The following EGFL6 variants were observed in gnomAD, a reference collection of about 807,000 sequenced individuals.
EGFL6 encodes the protein EGF like domain multiple 6, also known as epidermal growth factor-like protein 6.
In EGFL6, 42 loss-of-function variants were observed where a neutral mutation model predicts 43.1. The observed-to-expected ratio is 0.98, with a 90% CI of 0.76 to 1.26. EGFL6 has a LOEUF of 1.26. Among genes scored for constraint, EGFL6 ranks in the 50% most tolerant of loss-of-function variants. The pLI is 0.00. For synonymous variants in EGFL6, 164 were observed against 163.2 expected, an observed-to-expected ratio of 1.01 and a Z score of -0.04; for missense variants, 429 against 427.8, an observed-to-expected ratio of 1.00 and a Z score of -0.02.
intron 5 of EGFL6, among the ~76,000 whole-genome samples, chrX:13,605,416 A>T (rs2045654584): frequency 9.2e-6 from 1 of 108,632 alleles, no homozygotes; most frequent in Non-Finnish European, 1.9e-5. Context: ...CTACAAAAAA[A>T]AAATAATAAA....
In EGFL6 at chrX:13,613,157, C is replaced by CATATATAT. The variant is rs35293457; in HGVS notation, c.779-4558_779-4551dup. ...GAGACTTCATCTCCATAAATATATA[C>CATATATAT]ATATATATATATATATATATATGTC... On this transcript the variant is annotated intron_variant, in intron 7 of 11. Coordinates refer to ENST00000361306, the MANE Select transcript of EGFL6 (RefSeq NM_015507.4). 7.5e-3 allele frequency among the ~76,000 whole-genome samples: 667 copies of CATATATAT among 89,384 alleles called. 14 individuals are homozygous for CATATATAT. Among genetic ancestry groups the CATATATAT allele is most frequent in the African/African-American group, 0.028 (614 of 21,839 alleles). The allele number at this position is 89,384 out of a possible 115,157, so 77.6% of individuals were successfully genotyped here.
rs766969470 is a variant in EGFL6, at chrX:13,579,712, C to A, written c.74+9777C>A. Among the ~76,000 whole-genome samples the A allele has an allele frequency of 2.7e-5, 3 of 111,095 alleles. No homozygotes were observed. In the South Asian group the frequency reaches 1.2e-3, roughly 43 times the overall value. On this transcript the variant is annotated intron_variant, in intron 1 of 11. Coordinates refer to ENST00000361306, the MANE Select transcript of EGFL6 (RefSeq NM_015507.4). ...TCAAATAGTAGATTCTTTGAGGAAT[C>A]GCCATACTGCTTGGGCTTGGAGTTT...
At chrX:13,578,008 CT>C (rs1018206493) in intron 1 of EGFL6, among the ~76,000 whole-genome samples, 11 of 112,445 alleles carry the variant, frequency 9.8e-5, no homozygotes, top group African/African-American at 3.2e-4. Context: ...CAGCATTTTT[CT>C]TTTCTAATGT....
intron 9 of EGFL6, among the ~76,000 whole-genome samples, chrX:13,619,689 T>C (rs766161516): frequency 3.1e-4 from 35 of 111,953 alleles, no homozygotes; most frequent in Admixed American, 1.5e-3. Context: ...TAAATATTTA[T>C]TTTTGCTTAT....
chrX:13,606,351 C>T (rs1435073049), intron 5 of EGFL6, 28 bp from the exon 6 acceptor site: 18 of 1,204,485 alleles, frequency 1.5e-5, no homozygotes, highest in Non-Finnish European at 1.7e-5. Flanking sequence ...CTTGCTATCA[C>T]TGACACCTTC....
chrX:13,626,628 T>C (rs1217661478), intron 10 of EGFL6, among the ~76,000 whole-genome samples: 1 of 112,053 alleles, frequency 8.9e-6, no homozygotes, highest in Non-Finnish European at 1.9e-5. Flanking sequence ...ATTGACTCAG[T>C]GGGGAAGTGC....
chrX:13,581,028 A>G (rs773528994), intron 1 of EGFL6, among the ~76,000 whole-genome samples: 59 of 111,839 alleles, frequency 5.3e-4, no homozygotes, highest in African/African-American at 1.8e-3. Context: ...TCACCTCCTA[A>G]GTAAACCACT....
chrX:13,624,400 T>C (rs1371422287), intron 10 of EGFL6, among the ~76,000 whole-genome samples: 1 of 111,781 alleles, frequency 8.9e-6, no homozygotes, highest in Admixed American at 9.5e-5. Flanking sequence ...AAAACCATAA[T>C]GAACATCAAG....
chrX:13,596,349 T>C (rs764930202), intron 3 of EGFL6: 1 of 111,492 alleles, frequency 9.0e-6, no homozygotes, highest in Admixed American at 9.6e-5. Flanking sequence ...GCTCCATGTG[T>C]GTCCCTCCTG....
intron 3 of EGFL6, 59 bp downstream of exon 3, chrX:13,594,987 C>A: frequency 1.1e-6 from 1 of 909,610 alleles, no homozygotes; most frequent in Non-Finnish European, 1.6e-6. Flanking sequence ...GGGCTGGCGA[C>A]TCAATATGGT....
chrX:13,627,777 T>A (rs1221772634), intron 11 of EGFL6, among the ~76,000 whole-genome samples: 1 of 111,826 alleles, frequency 8.9e-6, no homozygotes, highest in Non-Finnish European at 1.9e-5. Context: ...AAGTACAGTT[T>A]GTATAGATTA....
chrX:13,598,201 A>T (rs2045610758), intron 3 of EGFL6, among the ~76,000 whole-genome samples: 1 of 112,104 alleles, frequency 8.9e-6, no homozygotes, highest in Non-Finnish European at 1.9e-5. Context: ...AGCATTTTTC[A>T]ATTTCCCCAT....
chrX:13,578,374 T>C (rs1038731802), intron 1 of EGFL6, among the ~76,000 whole-genome samples: 6 of 107,577 alleles, frequency 5.6e-5, no homozygotes, highest in African/African-American at 2.0e-4. Context: ...AGTGTGGCGA[T>C]TCCTCAGGGA....
intron 10 of EGFL6, among the ~76,000 whole-genome samples, chrX:13,626,676 A>G (rs57177822): frequency 0.07 from 7,787 of 111,923 alleles, 386 homozygotes; most frequent in African/African-American, 0.17. Context: ...AAATGAAATT[A>G]TGGAACACAA....
rs1172660146 is a variant in EGFL6 at position 13,617,744 on chromosome X, T to G, written c.793T>G (p.Ser265Ala). Residue 265 changes from serine (S) to alanine (A), a missense_variant, in exon 8 of 12, where the codon TCT becomes GCT. Coordinates refer to ENST00000361306, the MANE Select transcript of EGFL6 (RefSeq NM_015507.4). The stretch of plus-strand genomic sequence containing the variant: ...ATTTGTTTTAGCTATCCCTGAAAAT[T>G]CTGTGAAGGAAGTCCTCAGAGCACC... ...GLRCSAIPEN[S>A]VKEVLRAPGT... 8.4e-7 allele frequency: 1 copy of G among 1,196,807 alleles called. No homozygotes were observed. Among genetic ancestry groups the G allele is most frequent in the Non-Finnish European group, 1.1e-6 (1 of 887,544 alleles).
rs1046711159 is a variant in EGFL6 at position 13,618,100 on chromosome X, A to G, written c.1102+47A>G. On this transcript the variant is annotated intron_variant, in intron 8 of 11. Coordinates refer to ENST00000361306, the MANE Select transcript of EGFL6 (RefSeq NM_015507.4). ...TATGTTTTATGAAAAATGAATTGCA[A>G]TTTCTCCTGGCAAATGAAAGAAGAC... The G allele has an allele frequency of 6.3e-6, 7 of 1,114,416 alleles. No individual in the cohort carries two copies. The African/African-American group carries it at 7.4e-5, about 12-fold the overall frequency. The allele number at this position is 1,114,416 out of a possible 1,213,427, so 91.8% of individuals were successfully genotyped here. A position where few individuals can be genotyped will look rare whatever the true frequency, so the allele number is the denominator to read the frequency against.
At chrX:13,577,298 TTATATATATATATATA>T (rs1199851773) in intron 1 of EGFL6, among the ~76,000 whole-genome samples, 56 of 24,456 alleles carry the variant, frequency 2.3e-3, no homozygotes, top group East Asian at 6.9e-3. Context: ...TATATGAATT[TTATATATATATATATA>T]TATATATATA....
intron 1 of EGFL6, among the ~76,000 whole-genome samples, chrX:13,577,961 A>G (rs1335730187): frequency 9.0e-6 from 1 of 111,159 alleles, no homozygotes; most frequent in African/African-American, 3.4e-5. Flanking sequence ...ATTGCACAGA[A>G]TTATTAAGGT....
Position 13,623,882 on chromosome X carries a change from T to C in EGFL6, c.1242T>C (p.Asp414=), listed in dbSNP as rs372552929. The part of the protein sequence containing the change: ...FNHGICDWKQ[D]REDDFDWNPA... ...ATGGGATCTGTGACTGGAAACAGGA[T>C]AGAGAAGATGATTTTGACTGGAATC... is the stretch of plus-strand genomic sequence containing the variant. The change falls in exon 10 of 12, where the codon GAT becomes GAC. Residue 414 remains aspartate, a synonymous_variant. Transcript: ENST00000361306. The C allele has an allele frequency of 1.4e-5, 17 of 1,206,867 alleles. No individual in the cohort carries two copies. The highest frequency in any genetic ancestry group is 3.5e-5 in the South Asian group (2 of 56,655).
Sources: gnomAD v4.1 joint callset for allele counts (sites outside exome capture counted in the v4.1 genomes callset) on GRCh38, gnomAD v4.1.1 for gene constraint, MANE v1.5 for transcripts, NCBI Gene and HGNC (gene_info 2026-07-23, HGNC 2026-07-21) for gene names.